KAZN: variants seen among roughly 807,000 people sequenced by gnomAD.
The protein encoded by KAZN is kazrin, periplakin interacting protein, also known as kazrin.
Under a neutral mutation model 87.4 loss-of-function variants are expected in KAZN, and 40 were observed. The observed-to-expected ratio is 0.46, with a 90% CI of 0.36 to 0.60. The LOEUF (loss-of-function observed/expected upper bound fraction) is 0.60, where lower values mean the gene tolerates loss of function less well. KAZN is among the 20% of genes least tolerant of loss of function. KAZN has a pLI of 0.00. For missense variants in KAZN, 898 were observed against 1,073.9 expected, an observed-to-expected ratio of 0.84 and a Z score of 2.29; for synonymous variants, 466 against 458.3, an observed-to-expected ratio of 1.02 and a Z score of -0.22.
chr1:14,589,326 G>A (rs1676046061), intron 2 of KAZN, among the ~76,000 whole-genome samples: 1 of 80,604 alleles, frequency 1.2e-5, no homozygotes, highest in Non-Finnish European at 2.4e-5. Flanking sequence ...ATAAAACAAG[G>A]CAGGTAAAAA....
chr1:14,046,809 C>T (rs1642095257), intron 1 of KAZN, among the ~76,000 whole-genome samples: 1 of 152,230 alleles, frequency 6.6e-6, no homozygotes, highest in Non-Finnish European at 1.5e-5. Context: ...GCAGCAGGCC[C>T]TGTGTTTCCC....
chr1:14,691,109 G>C (rs1335318575), intron 1 of KAZN, among the ~76,000 whole-genome samples: 1 of 152,188 alleles, frequency 6.6e-6, no homozygotes, highest in African/African-American at 2.4e-5. Flanking sequence ...CGCTGACTTA[G>C]ATATTTAACT....
intron 4 of KAZN, among the ~76,000 whole-genome samples, chr1:15,049,053 G>A (rs546904954): frequency 3.4e-4 from 52 of 152,322 alleles, no homozygotes; most frequent in African/African-American, 1.1e-3. Flanking sequence ...TTACGGTTTC[G>A]GAGCTGGAGA....
chr1:14,326,295 T>C lies in KAZN; in HGVS notation c.249+145703T>C, dbSNP rs535170293. ...AGGCTATATACCAAAAAGCCATCCT[T>C]GTTGTGTCTGTTCCTTTCCCATACC... On this transcript the variant is annotated intron_variant, in intron 2 of 16. Coordinates refer to the KAZN transcript ENST00000636203. Among the ~76,000 whole-genome samples the C allele has an allele frequency of 6.6e-5, 10 of 152,306 alleles. No individual in the cohort carries two copies. The South Asian group carries it at 1.7e-3, about 25-fold the overall frequency.
chr1:14,217,699 A>T (rs993797591), intron 2 of KAZN, among the ~76,000 whole-genome samples: 1 of 152,120 alleles, frequency 6.6e-6, no homozygotes, highest in Non-Finnish European at 1.5e-5. Context: ...ATTACACACC[A>T]CATAACTAAG....
At position 15,104,003 on chromosome 1, in the gene KAZN, TC is replaced by T. The variant is rs763388061; in HGVS notation, c.1882-16del. On this transcript the variant is annotated intron_variant, in intron 12 of 14. Coordinates refer to ENST00000376030, the MANE Select transcript of KAZN (RefSeq NM_201628.3). ...AGCATGGCCCCTGCAGGCTAACAAGTCCCCTGCCTTTGCCCCCAGGAGTACG... is the reference window on the plus strand; with the variant it reads ...AGCATGGCCCCTGCAGGCTAACAAGTCCCTGCCTTTGCCCCCAGGAGTACG... The T allele has an allele frequency of 2.1e-5, 34 of 1,609,136 alleles. No individual in the cohort carries two copies. Among genetic ancestry groups the T allele is most frequent in the Admixed American group, 5.0e-5 (3 of 59,738 alleles).
rs115778725 is a variant in KAZN, at chr1:13,901,971, G to A, written c.91+8215G>A. The stretch of plus-strand genomic sequence containing the variant: ...AGGGGATGTGGATAAGAAACACATA[G>A]CCTCAAGGCTCTGAGGCATTTCAGT... On this transcript the variant is annotated intron_variant, in intron 1 of 16. Transcript: ENST00000636203. 3.4e-3 allele frequency among the ~76,000 whole-genome samples: 519 copies of A among 152,366 alleles called. 1 individual carries two copies. Among genetic ancestry groups the A allele is most frequent in the African/African-American group, 0.012 (505 of 41,596 alleles).
chr1:15,047,476 C>T (rs1673694273), intron 4 of KAZN, among the ~76,000 whole-genome samples: 1 of 152,124 alleles, frequency 6.6e-6, no homozygotes, highest in African/African-American at 2.4e-5. Flanking sequence ...TGGCAGAAGC[C>T]ACGGCAGCTG....
At chr1:15,108,560 C>A (rs373602004) in intron 13 of KAZN, among the ~76,000 whole-genome samples, 198 of 152,358 alleles carry the variant, frequency 1.3e-3, no homozygotes, top group African/African-American at 4.4e-3. Context: ...GTGCCCAGCA[C>A]GTAGTGGGTG....
chr1:14,432,416 A>T (rs1031315802), intron 2 of KAZN, among the ~76,000 whole-genome samples: 1 of 152,174 alleles, frequency 6.6e-6, no homozygotes, highest in African/African-American at 2.4e-5. Flanking sequence ...ACCCAGTCTC[A>T]CGAGCTTGTC....
At chr1:14,829,019 C>T (rs74059604) in intron 1 of KAZN, among the ~76,000 whole-genome samples, 21,136 of 152,186 alleles carry the variant, frequency 0.14, 2,809 homozygotes, top group African/African-American at 0.35. Flanking sequence ...GCTGAGAAAG[C>T]GAGGAACAGG....
intron 1 of KAZN, among the ~76,000 whole-genome samples, chr1:13,908,161 C>T (rs529509973): frequency 5.6e-4 from 85 of 152,302 alleles, no homozygotes; most frequent in African/African-American, 1.8e-3. Context: ...ATACTGAAGA[C>T]GTGGTTTATT....
At chr1:14,670,410 T>G (rs1333964461) in intron 1 of KAZN, among the ~76,000 whole-genome samples, 2 of 152,156 alleles carry the variant, frequency 1.3e-5, no homozygotes, top group African/African-American at 4.8e-5. Context: ...AGGTCTGAGG[T>G]GGGGCCTGCT....
intron 8 of KAZN, among the ~76,000 whole-genome samples, chr1:15,073,730 G>C (rs577152768): frequency 6.6e-6 from 1 of 152,334 alleles, no homozygotes; most frequent in South Asian, 2.1e-4. Context: ...AGTGAGATCT[G>C]AGTTCTGAGC....
intron 2 of KAZN, among the ~76,000 whole-genome samples, chr1:14,285,769 GGGCCCT>G (rs1240778797): frequency 7.2e-5 from 11 of 152,190 alleles, no homozygotes; most frequent in African/African-American, 2.7e-4. Flanking sequence ...CTTTTGCACT[GGGCCCT>G]GCAGATTATA....
chr1:14,438,381 T>C (rs1404584434), intron 2 of KAZN, among the ~76,000 whole-genome samples: 1 of 152,134 alleles, frequency 6.6e-6, no homozygotes, highest in Non-Finnish European at 1.5e-5. Flanking sequence ...GCAAGACATA[T>C]GACATGTCAG....
At chr1:14,029,768 A>C (rs1410203678) in intron 1 of KAZN, among the ~76,000 whole-genome samples, 3 of 151,474 alleles carry the variant, frequency 2.0e-5, no homozygotes, top group Non-Finnish European at 4.4e-5. Context: ...CAGGTTTGTC[A>C]AAGATCAGAT....
chr1:14,883,305 AAAG>A (rs1653547213), intron 1 of KAZN, among the ~76,000 whole-genome samples: 1 of 51,230 alleles, frequency 2.0e-5, no homozygotes, highest in Admixed American at 2.7e-4. Flanking sequence ...CAAAAGAAAG[AAAG>A]AAAGAAAGAA....
intron 1 of KAZN, among the ~76,000 whole-genome samples, chr1:14,730,885 C>A (rs911461068): frequency 1.3e-5 from 2 of 152,070 alleles, no homozygotes; most frequent in Non-Finnish European, 2.9e-5. Context: ...AAGATGGTGG[C>A]CCTCCCTCTT....
Sources: gnomAD v4.1 joint callset for allele counts (sites outside exome capture counted in the v4.1 genomes callset) on GRCh38, gnomAD v4.1.1 for gene constraint, MANE v1.5 for transcripts, NCBI Gene and HGNC (gene_info 2026-07-23, HGNC 2026-07-21) for gene names.